The following SASH1 variants were observed in gnomAD, a reference collection of about 807,000 sequenced individuals.
SASH1 encodes the protein SAM and SH3 domain-containing protein 1.
Under a neutral mutation model 125.2 loss-of-function variants are expected in SASH1, and 44 were observed. The observed-to-expected ratio is 0.35, with a 90% confidence interval of 0.28 to 0.45. The LOEUF (loss-of-function observed/expected upper bound fraction) is 0.45. Among genes scored for constraint, SASH1 ranks in the 20% least tolerant of loss-of-function variants. The pLI, the probability that SASH1 is intolerant of heterozygous loss-of-function variation, is 1.00. For missense variants in SASH1, 1,426 were observed against 1,614.5 expected (o/e 0.88, Z 2.00); for synonymous variants, 639 against 649.1 (o/e 0.98, Z 0.24).
chr6:148,448,669 C>T (rs1030799029), intron 4 of SASH1, among the ~76,000 whole-genome samples: 1 of 152,178 alleles, frequency 6.6e-6, no homozygotes, highest in Non-Finnish European at 1.5e-5. Flanking sequence ...CTTACCTGCG[C>T]CCATGGCTTT....
intron 1 of SASH1, among the ~76,000 whole-genome samples, chr6:148,328,076 G>C (rs1158929658): frequency 6.6e-6 from 1 of 152,132 alleles, no homozygotes. Context: ...TGTTGCCTAG[G>C]CTGAAGTGCG....
chr6:148,324,674 T>C (rs1047987032), intron 1 of SASH1, among the ~76,000 whole-genome samples: 1 of 152,190 alleles, frequency 6.6e-6, no homozygotes, highest in Non-Finnish European at 1.5e-5. Flanking sequence ...CATAGATGGC[T>C]TGAATTTTTG....
chr6:148,343,096 G>GGCCGGA lies in SASH1; in HGVS notation c.33_38dup (p.Glu22_Pro23dup), dbSNP rs1562335834. 6 of 1,523,350 alleles carry GGCCGGA rather than the reference G, an allele frequency of 3.9e-6. No homozygotes were observed. The highest frequency in any genetic ancestry group is 5.3e-6 in the Non-Finnish European group (6 of 1,133,030). The allele number at this position is 1,523,350 out of a possible 1,614,324, so 94.4% of individuals were successfully genotyped here. A position where few individuals can be genotyped will look rare whatever the true frequency, so the allele number is the denominator to read the frequency against. The stretch of plus-strand genomic sequence containing the variant: ...GAGGACGCGGGAGCAGCTGGCCCGG[G>GGCCGGA]GCCGGAGCCTGAGCCCGAGCCCGAG... On this transcript the variant is annotated inframe_insertion, in exon 1 of 20. Coordinates refer to ENST00000367467, the MANE Select transcript of SASH1 (RefSeq NM_015278.5).
At chr6:148,518,271 G>T (rs1476860099) in intron 9 of SASH1, among the ~76,000 whole-genome samples, 2 of 152,122 alleles carry the variant, frequency 1.3e-5, no homozygotes, top group Non-Finnish European at 2.9e-5. Flanking sequence ...GGGGACTGTG[G>T]GCTAGGCAGA....
chr6:148,518,084 T>A (rs1780547711), intron 9 of SASH1, among the ~76,000 whole-genome samples: 1 of 152,146 alleles, frequency 6.6e-6, no homozygotes, highest in African/African-American at 2.4e-5. Context: ...AGGTTGCCAT[T>A]TTTATTTCCA....
chr6:148,499,998 G>A (rs1351366181), intron 8 of SASH1, among the ~76,000 whole-genome samples: 4 of 152,074 alleles, frequency 2.6e-5, no homozygotes, highest in African/African-American at 9.7e-5. Context: ...CAACTATTAG[G>A]AATTTCTTCC....
chr6:148,534,704 T>C, intron 15 of SASH1, 47 bp from the exon 16 acceptor site: 1 of 1,605,314 alleles, frequency 6.2e-7, no homozygotes, highest in South Asian at 1.1e-5. Flanking sequence ...TGTTATCATG[T>C]GTCTGGGCTG....
rs543097947 is a variant in SASH1, at chr6:148,355,223, A to G, written c.156+12000A>G. Among the ~76,000 whole-genome samples, 7 of 152,354 alleles carry G rather than the reference A, an allele frequency of 4.6e-5. No homozygotes were observed. The South Asian group carries it at 1.2e-3, about 27-fold the overall frequency. ...TAAGGCTCATTTTATTGTGAATTAC[A>G]GTTTTTTAAAAAAAACCTTCTCAGA... is the stretch of plus-strand genomic sequence containing the variant. On this transcript the variant is annotated intron_variant, in intron 1 of 19. Coordinates refer to ENST00000367467, the MANE Select transcript of SASH1 (RefSeq NM_015278.5).
In SASH1 at chr6:148,550,852, G is replaced by T. The variant is rs1782841691; in HGVS notation, c.*2294G>T. 1 of 152,238 alleles carries T rather than the reference G, an allele frequency of 6.6e-6. No individual in the cohort carries two copies. Among genetic ancestry groups the T allele is most frequent in the Non-Finnish European group, 1.5e-5 (1 of 68,046 alleles). 9.4% of individuals were successfully genotyped at this position (152,238 alleles called of 1,614,324 possible). A position where few individuals can be genotyped will look rare whatever the true frequency, so the allele number is the denominator to read the frequency against. On this transcript the variant is annotated 3_prime_UTR_variant, in exon 20 of 20. Transcript: ENST00000367467. ...AAAAAACCACACAAAAGTTGTGTAA[G>T]AGATGAGATAACAAAGGAGCGAGAG...
At chr6:148,528,832 T>C (rs1781345645) in intron 12 of SASH1, among the ~76,000 whole-genome samples, 1 of 152,194 alleles carries the variant, frequency 6.6e-6, no homozygotes, top group African/African-American at 2.4e-5. Context: ...TTTCTATTGT[T>C]ATTACATTGT....
the SASH1 span, among the ~76,000 whole-genome samples, chr6:148,215,360 A>C: frequency 2.6e-4 from 39 of 152,308 alleles, no homozygotes; most frequent in East Asian, 7.1e-3. Flanking sequence ...GTTTCTTGTG[A>C]AACTTATGAA....
At chr6:148,259,979 A>G in the SASH1 span, among the ~76,000 whole-genome samples, 1 of 152,124 alleles carries the variant, frequency 6.6e-6, no homozygotes, top group South Asian at 2.1e-4. Flanking sequence ...TCGAACTCGT[A>G]GACTTAAGTG....
chr6:148,301,831 A>T (rs1779954920), intron 1 of SASH1, among the ~76,000 whole-genome samples: 1 of 145,056 alleles, frequency 6.9e-6, no homozygotes, highest in Non-Finnish European at 1.5e-5. Context: ...TTGTGAGCTC[A>T]AGCAATCCTC....
intron 7 of SASH1, chr6:148,479,893 A>C (rs1247737701): frequency 1.3e-5 from 2 of 153,154 alleles, no homozygotes; most frequent in South Asian, 2.1e-4. Context: ...CAGATGAGGA[A>C]GTCACAGGGC....
chr6:148,241,086 A>C, the SASH1 span, among the ~76,000 whole-genome samples: 1 of 151,584 alleles, frequency 6.6e-6, no homozygotes, highest in Non-Finnish European at 1.5e-5. Context: ...TTTAAAGGCC[A>C]TCAAGGGGAA....
intron 1 of SASH1, among the ~76,000 whole-genome samples, chr6:148,306,228 C>T (rs549229637): frequency 6.6e-6 from 1 of 152,262 alleles, no homozygotes; most frequent in South Asian, 2.1e-4. Context: ...TTTCCACTCG[C>T]TTGTTCTCTC....
chr6:148,522,184 A>G (rs572297285), intron 10 of SASH1, among the ~76,000 whole-genome samples: 1 of 152,342 alleles, frequency 6.6e-6, no homozygotes, highest in Non-Finnish European at 1.5e-5. Flanking sequence ...AGCTTGAGAC[A>G]CTAATGGACA....
chr6:148,292,357 T>G (rs892995742), intron 1 of SASH1, among the ~76,000 whole-genome samples: 1 of 152,152 alleles, frequency 6.6e-6, no homozygotes, highest in Non-Finnish European at 1.5e-5. Flanking sequence ...GCCTAGGGGC[T>G]CCCGACAATC....
At chr6:148,243,651 CAAAAAAAAAAAAAAAA>C in the SASH1 span, among the ~76,000 whole-genome samples, 3 of 70,288 alleles carry the variant, frequency 4.3e-5, no homozygotes, top group Non-Finnish European at 7.7e-5. Context: ...AACTGTGTCT[CAAAAAAAAAAAAAAAA>C]AAAAAAAAAA....
Sources: allele counts gnomAD v4.1 joint callset (sites outside exome capture counted in the v4.1 genomes callset), GRCh38; gene constraint gnomAD v4.1.1; transcripts MANE v1.5; gene names NCBI Gene and HGNC (gene_info 2026-07-23, HGNC 2026-07-21).